The following ANO3 variants were observed in gnomAD, a reference collection of about 807,000 sequenced individuals.
ANO3 encodes the protein anoctamin-3.
A neutral mutation model predicts 144.8 loss-of-function variants in ANO3; 99 were observed. The ratio of observed to expected loss-of-function variants is 0.68; its 90% CI spans 0.58 to 0.81. The LOEUF (loss-of-function observed/expected upper bound fraction) is 0.81. ANO3 is among the 30% of genes least tolerant of loss of function. The pLI is 0.00. For missense variants in ANO3, 905 were observed against 1,202.2 expected (o/e 0.75, Z 3.66); for synonymous variants, 414 against 392.6 (o/e 1.05, Z -0.64).
At chr11:26,301,302 C>T (rs1046426483) in intron 1 of ANO3, among the ~76,000 whole-genome samples, 7 of 152,146 alleles carry the variant, frequency 4.6e-5, no homozygotes, top group African/African-American at 1.7e-4. Context: ...TCTGACATTG[C>T]CTATTTATAG....
intron 17 of ANO3, among the ~76,000 whole-genome samples, chr11:26,601,304 T>C (rs138058653): frequency 4.9e-4 from 74 of 152,310 alleles, no homozygotes; most frequent in African/African-American, 1.6e-3. Flanking sequence ...GTTGAGACCA[T>C]TTGCTATTTA....
chr11:26,299,799 T>A (rs1854182477), intron 1 of ANO3, among the ~76,000 whole-genome samples: 1 of 152,162 alleles, frequency 6.6e-6, no homozygotes, highest in African/African-American at 2.4e-5. Flanking sequence ...TTTGTTGGAA[T>A]ACAGTTCGTT....
At chr11:26,399,148 AC>A (rs1857087544) in intron 1 of ANO3, among the ~76,000 whole-genome samples, 2 of 151,394 alleles carry the variant, frequency 1.3e-5, no homozygotes, top group Non-Finnish European at 2.9e-5. Flanking sequence ...GCCCAACCTC[AC>A]CTTTTTTTCG....
intron 1 of ANO3, chr11:26,287,415 T>C (rs1853834104): frequency 6.6e-6 from 1 of 152,132 alleles, no homozygotes. Flanking sequence ...GATGACAATA[T>C]CCATTTTAGA....
rs201712393 is a variant in ANO3, at chr11:26,595,460, G to GTTTTTTTTTTTT, written c.1448-2889_1448-2878dup. 3.9e-3 allele frequency among the ~76,000 whole-genome samples: 400 copies of GTTTTTTTTTTTT among 101,338 alleles called. 35 individuals carry two copies. The highest frequency in any genetic ancestry group is 7.6e-3 in the African/African-American group (181 of 23,930). The allele number at this position is 101,338 out of a possible 152,430, so 66.5% of individuals were successfully genotyped here. ...TTTGACTCAGTATTGAGATAGAGTT[G>GTTTTTTTTTTTT]TTTTTTTTTTTTTTTTTTTTTTTTT... On this transcript the variant is annotated intron_variant, in intron 14 of 26. Transcript: ENST00000256737.
intron 1 of ANO3, among the ~76,000 whole-genome samples, chr11:26,360,865 G>A (rs994095023): frequency 2.0e-5 from 3 of 152,190 alleles, no homozygotes; most frequent in African/African-American, 7.2e-5. Flanking sequence ...TTGGAGGATA[G>A]ATGGACAAGT....
chr11:26,290,475 T>C (rs1446069558), intron 1 of ANO3, among the ~76,000 whole-genome samples: 1 of 152,190 alleles, frequency 6.6e-6, no homozygotes, highest in East Asian at 1.9e-4. Flanking sequence ...TTGCTCTTGC[T>C]TCTCTAGTTC....
chr11:26,241,411 CT>C (rs1484938032), intron 1 of ANO3, among the ~76,000 whole-genome samples: 1 of 152,112 alleles, frequency 6.6e-6, no homozygotes, highest in Non-Finnish European at 1.5e-5. Context: ...AATATTGCCC[CT>C]GATTTTGTCT....
At chr11:26,539,133 T>TACACACAC (rs68138224) in intron 10 of ANO3, among the ~76,000 whole-genome samples, 22 of 149,308 alleles carry the variant, frequency 1.5e-4, no homozygotes, top group African/African-American at 5.2e-4. Flanking sequence ...ACAAGAGAAA[T>TACACACAC]ACACACACAC....
intron 4 of ANO3, among the ~76,000 whole-genome samples, chr11:26,468,917 A>G (rs1859687391): frequency 6.6e-6 from 1 of 151,986 alleles, no homozygotes; most frequent in South Asian, 2.1e-4. Flanking sequence ...TATTTATATT[A>G]TTAAGTGGTA....
chr11:26,501,807 A>T (rs1242522037), intron 4 of ANO3, among the ~76,000 whole-genome samples: 1 of 152,176 alleles, frequency 6.6e-6, no homozygotes, highest in Non-Finnish European at 1.5e-5. Flanking sequence ...TAGATTTAGG[A>T]CAAAAAACAG....
At chr11:26,652,867 A>C (rs1032919712) in intron 24 of ANO3, among the ~76,000 whole-genome samples, 47 of 152,198 alleles carry the variant, frequency 3.1e-4, no homozygotes, top group Admixed American at 4.6e-4. Flanking sequence ...GGTCAACTCC[A>C]GTTCTCACAT....
chr11:26,487,821 A>G (rs1487393862), intron 4 of ANO3, among the ~76,000 whole-genome samples: 1 of 152,126 alleles, frequency 6.6e-6, no homozygotes, highest in African/African-American at 2.4e-5. Context: ...TGGTGGAAGA[A>G]ACGGATTCTA....
At position 26,384,663 on chromosome 11, in the gene ANO3, A is replaced by T. The variant is rs559979157; in HGVS notation, c.46+52342A>T. On this transcript the variant is annotated intron_variant, in intron 1 of 26. Transcript: ENST00000256737. ...ATGCCACATCTTTCCAGTTTTCCCC[A>T]TTGTTCCTGTAATATAATGATATTG... Among the ~76,000 whole-genome samples, 5 of 152,144 alleles carry T rather than the reference A, an allele frequency of 3.3e-5. No individual in the cohort carries two copies. In the East Asian group the frequency reaches 9.7e-4, roughly 29 times the overall value.
intron 22 of ANO3, among the ~76,000 whole-genome samples, chr11:26,642,739 C>T (rs568192890): frequency 6.6e-6 from 1 of 152,244 alleles, no homozygotes; most frequent in South Asian, 2.1e-4. Context: ...GCACAGACTC[C>T]GTCTGAATCT....
chr11:26,642,129 C>T (rs1365021988), intron 22 of ANO3, 100 bp downstream of exon 22: 23 of 1,360,220 alleles, frequency 1.7e-5, no homozygotes, highest in Non-Finnish European at 2.3e-5. Flanking sequence ...TCTTTCCTTT[C>T]CAACCCCAAG....
At chr11:26,495,841 C>G (rs1404901120) in intron 4 of ANO3, among the ~76,000 whole-genome samples, 5 of 152,144 alleles carry the variant, frequency 3.3e-5, no homozygotes, top group African/African-American at 1.2e-4. Flanking sequence ...TATTATTTGC[C>G]TTCTCCACAT....
intron 1 of ANO3, among the ~76,000 whole-genome samples, chr11:26,202,996 T>C (rs1268971564): frequency 6.6e-5 from 10 of 152,036 alleles, no homozygotes; most frequent in Non-Finnish European, 8.8e-5. Context: ...GAGACAGAGA[T>C]GGAAAACAAG....
chr11:26,261,501 T>C (rs1013325164), intron 1 of ANO3, among the ~76,000 whole-genome samples: 5 of 152,216 alleles, frequency 3.3e-5, no homozygotes, highest in African/African-American at 4.8e-5. Context: ...CCTTTCCTTG[T>C]TCTTCCCACT....
Sources: gnomAD v4.1 joint callset for allele counts (sites outside exome capture counted in the v4.1 genomes callset) on GRCh38, gnomAD v4.1.1 for gene constraint, MANE v1.5 for transcripts, NCBI Gene and HGNC (gene_info 2026-07-23, HGNC 2026-07-21) for gene names.